The following NENF variants were observed in gnomAD, a reference collection of about 807,000 sequenced individuals.
NENF encodes the protein neudesin.
A neutral mutation model predicts 14.8 loss-of-function variants in NENF; 6 were observed. The observed-to-expected ratio is 0.40, with a 90% CI of 0.22 to 0.80. NENF has a LOEUF of 0.80. Ranked by LOEUF, NENF falls within the 30% of genes least tolerant of loss-of-function variation. NENF has a pLI of 0.34. For missense variants in NENF, 184 were observed against 212.7 expected, an observed-to-expected ratio of 0.87 and a Z score of 0.84; for synonymous variants, 76 against 95.1, an observed-to-expected ratio of 0.80 and a Z score of 1.17.
rs555663024 is a variant in NENF, at chr1:212,435,115, T to A, written c.177+1995T>A. The A allele has an allele frequency of 9.1e-4, 139 of 152,342 alleles. 1 individual carries two copies. The highest frequency in any genetic ancestry group is 3.2e-3 in the African/African-American group (134 of 41,580). 9.4% of individuals were successfully genotyped at this position (152,342 alleles called of 1,614,324 possible). ...CCCTTTCACTCAGAAGTGTGACAAT[T>A]TGTATAATACATTGGATCATACCTG... On this transcript the variant is annotated intron_variant, in intron 1 of 3. Transcript: ENST00000366988.
At chr1:212,438,288 T>G (rs562782974) in intron 1 of NENF, among the ~76,000 whole-genome samples, 1 of 152,334 alleles carries the variant, frequency 6.6e-6, no homozygotes, top group East Asian at 1.9e-4. Context: ...CACACACCTG[T>G]TATGATAGCA....
At position 212,432,938 on chromosome 1, in the gene NENF, C is replaced by G. The variant is rs1022461761; in HGVS notation, c.-6C>G. 1.3e-6 allele frequency: 1 copy of G among 774,120 alleles called. No homozygotes were observed. Among genetic ancestry groups the G allele is most frequent in the Non-Finnish European group, 1.6e-6 (1 of 616,802 alleles). 48.0% of individuals were successfully genotyped at this position (774,120 alleles called of 1,614,324 possible). ...GCCCGGCCTTGCCTTGCGCTGCGCG[C>G]TCACCATGGTGGGCCCCGCGCCGCG... On this transcript the variant is annotated 5_prime_UTR_variant, in exon 1 of 4. Transcript: ENST00000366988.
chr1:212,442,731 T>C, intron 2 of NENF, 106 bp downstream of exon 2: 2 of 787,052 alleles, frequency 2.5e-6, no homozygotes, highest in Non-Finnish European at 4.4e-6. Flanking sequence ...GCAAGTCCTT[T>C]TCATTCCATT....
At chr1:212,439,441 C>G (rs886935224) in intron 1 of NENF, among the ~76,000 whole-genome samples, 1 of 151,400 alleles carries the variant, frequency 6.6e-6, no homozygotes, top group Admixed American at 6.6e-5. Flanking sequence ...ACTCGGGACA[C>G]TGAGGCAGGA....
Position 212,442,694 on chromosome 1 carries a change from G to A in NENF, c.238+69G>A. ...GAAGCCAGAGTGAGCAGCACTTGGA[G>A]GTGTGAGGAAAGGGAGGGAACATTA... On this transcript the variant is annotated intron_variant, in intron 2 of 3. Coordinates refer to ENST00000366988, the MANE Select transcript of NENF (RefSeq NM_013349.5). The A allele has an allele frequency of 6.2e-6, 7 of 1,137,260 alleles. 1 individual carries two copies. The highest frequency in any genetic ancestry group is 1.5e-5 in the African/African-American group (1 of 65,848). 70.4% of individuals were successfully genotyped at this position (1,137,260 alleles called of 1,614,324 possible).
At chr1:212,445,720 T>C in intron 3 of NENF, 110 bp from the exon 4 acceptor site, 1 of 1,139,680 alleles carries the variant, frequency 8.8e-7, no homozygotes, top group Non-Finnish European at 1.3e-6. Context: ...TGAGATATCT[T>C]TTCTCTTGCA....
intron 1 of NENF, among the ~76,000 whole-genome samples, chr1:212,435,729 G>A (rs1662592924): frequency 6.6e-6 from 1 of 151,642 alleles, no homozygotes; most frequent in Non-Finnish European, 1.5e-5. Context: ...ATTTTCTGTA[G>A]AGATGGGGTC....
At chr1:212,439,977 C>T (rs898250763) in intron 1 of NENF, among the ~76,000 whole-genome samples, 10 of 151,968 alleles carry the variant, frequency 6.6e-5, no homozygotes, top group African/African-American at 2.2e-4. Flanking sequence ...GTCGGCTGGG[C>T]ATGGTGGCTT....
chr1:212,442,388 C>T (rs914904380), intron 1 of NENF, among the ~76,000 whole-genome samples, 177 bp from the exon 2 acceptor site: 8 of 152,252 alleles, frequency 5.3e-5, no homozygotes, highest in South Asian at 2.1e-4. Flanking sequence ...TTTCTGTGTG[C>T]GGGCATGACG....
At chr1:212,444,613 G>A (rs190920646) in intron 3 of NENF, among the ~76,000 whole-genome samples, 171 bp downstream of exon 3, 10 of 140,678 alleles carry the variant, frequency 7.1e-5, no homozygotes, top group Admixed American at 2.9e-4. Context: ...TTTACCCTTC[G>A]GTCCACTTGG....
chr1:212,440,415 A>ACCTTATT (rs3835654), intron 1 of NENF, among the ~76,000 whole-genome samples: 6,327 of 152,184 alleles, frequency 0.042, 600 homozygotes, highest in East Asian at 0.36. Context: ...GAATAAGGAA[A>ACCTTATT]CCTGGTAAAG....
At chr1:212,445,534 G>A (rs1662764769) in intron 3 of NENF, among the ~76,000 whole-genome samples, 1 of 152,182 alleles carries the variant, frequency 6.6e-6, no homozygotes, top group Non-Finnish European at 1.5e-5. Context: ...AGGGGATGCA[G>A]ATGCAATAGG....
chr1:212,443,154 TC>T (rs1190429761), intron 2 of NENF, among the ~76,000 whole-genome samples: 1 of 152,226 alleles, frequency 6.6e-6, no homozygotes, highest in Admixed American at 6.5e-5. Context: ...TTCATGACTT[TC>T]CATTGCCTGT....
rs146009303 is a variant in NENF at position 212,436,114 on chromosome 1, T to C, written c.177+2994T>C. Among the ~76,000 whole-genome samples the C allele has an allele frequency of 3.2e-3, 480 of 152,248 alleles. 2 individuals carry two copies. Among genetic ancestry groups the C allele is most frequent in the Admixed American group, 7.3e-3 (112 of 15,268 alleles). The stretch of plus-strand genomic sequence containing the variant: ...GCAGAGGTGGAAGAAAACCCACATA[T>C]AAGTGGACCCATGCAGTTCAAACCT... On this transcript the variant is annotated intron_variant, in intron 1 of 3. Coordinates refer to ENST00000366988, the MANE Select transcript of NENF (RefSeq NM_013349.5).
chr1:212,436,121 A>G (rs1423546688), intron 1 of NENF, among the ~76,000 whole-genome samples: 2 of 152,104 alleles, frequency 1.3e-5, no homozygotes, highest in Non-Finnish European at 2.9e-5. Flanking sequence ...ATATAAGTGG[A>G]CCCATGCAGT....
At chr1:212,442,736 T>C in intron 2 of NENF, 111 bp downstream of exon 2, 1 of 773,126 alleles carries the variant, frequency 1.3e-6, no homozygotes, top group Non-Finnish European at 2.3e-6. Flanking sequence ...TCCTTTTCAT[T>C]CCATTTTATT....
intron 1 of NENF, among the ~76,000 whole-genome samples, chr1:212,442,091 G>C (rs1287408085): frequency 6.6e-6 from 1 of 151,946 alleles, no homozygotes; most frequent in African/African-American, 2.4e-5. Context: ...GGTTCACTAC[G>C]ACCTCTGCCT....
chr1:212,443,862 G>A (rs1395241185), intron 2 of NENF, among the ~76,000 whole-genome samples: 1 of 151,290 alleles, frequency 6.6e-6, no homozygotes, highest in East Asian at 2.0e-4. Context: ...TGGGCAACAT[G>A]GTGAAACCCC....
At position 212,445,810 on chromosome 1, in the gene NENF, C is replaced by T; in HGVS notation, c.343-20C>T. 6.2e-7 allele frequency: 1 copy of T among 1,613,320 alleles called. No homozygotes were observed. The highest frequency in any genetic ancestry group is 8.5e-7 in the Non-Finnish European group (1 of 1,179,356). The stretch of plus-strand genomic sequence containing the variant: ...CCACTTAACCCCATCTCCTGTCTTT[C>T]TTGGGCTTTTCTCCCCAAGACGGGT... On this transcript the variant is annotated intron_variant, in intron 3 of 3. Coordinates refer to ENST00000366988, the MANE Select transcript of NENF (RefSeq NM_013349.5).
Sources: allele counts gnomAD v4.1 joint callset (sites outside exome capture counted in the v4.1 genomes callset), GRCh38; gene constraint gnomAD v4.1.1; transcripts MANE v1.5; gene names NCBI Gene and HGNC (gene_info 2026-07-23, HGNC 2026-07-21).